CSGALNACT1: variants seen among roughly 807,000 people sequenced by gnomAD.
CSGALNACT1 encodes the protein beta4GalNAcT-1.
In CSGALNACT1, 52 loss-of-function variants were observed where a neutral mutation model predicts 51.0. The ratio of observed to expected loss-of-function variants is 1.02; its 90% confidence interval spans 0.82 to 1.29. The LOEUF (loss-of-function observed/expected upper bound fraction) is 1.29. Among genes scored for constraint, CSGALNACT1 ranks in the 50% most tolerant of loss-of-function variants. The probability of loss-of-function intolerance (pLI) is 0.00; values close to 1 mark genes in which losing one functional copy is unlikely to be tolerated. For missense variants in CSGALNACT1, 935 were observed against 679.2 expected (o/e 1.38, Z -4.19); for synonymous variants, 341 against 254.4 (o/e 1.34, Z -3.24).
At chr8:19,632,748 C>T (rs1012512269) in intron 1 of CSGALNACT1, among the ~76,000 whole-genome samples, 2 of 151,974 alleles carry the variant, frequency 1.3e-5, no homozygotes, top group Non-Finnish European at 2.9e-5. Context: ...AGAGTGAGTA[C>T]ATTCTGCTGA....
chr8:19,445,686 T>A (rs1238826397), intron 5 of CSGALNACT1, among the ~76,000 whole-genome samples: 1 of 152,212 alleles, frequency 6.6e-6, no homozygotes, highest in Non-Finnish European at 1.5e-5. Flanking sequence ...ACTGAAACTA[T>A]CTGTAATATA....
At chr8:19,587,846 C>G (rs888997830) in intron 3 of CSGALNACT1, 1 of 152,100 alleles carries the variant, frequency 6.6e-6, no homozygotes, top group South Asian at 2.1e-4. Context: ...AATAAACTTC[C>G]AGCTATGATG....
At chr8:19,466,042 T>G (rs2066596220) in intron 4 of CSGALNACT1, among the ~76,000 whole-genome samples, 1 of 152,222 alleles carries the variant, frequency 6.6e-6, no homozygotes, top group South Asian at 2.1e-4. Flanking sequence ...CCTTTAACCT[T>G]ACCATAGAAT....
chr8:19,673,638 A>C (rs926308346), intron 1 of CSGALNACT1, among the ~76,000 whole-genome samples: 1 of 152,212 alleles, frequency 6.6e-6, no homozygotes, highest in African/African-American at 2.4e-5. Context: ...CAGTTCCAGT[A>C]GGTAAGAGTT....
chr8:19,502,319 C>T lies in CSGALNACT1; in HGVS notation c.634+2882G>A, dbSNP rs150350924. On this transcript the variant is annotated intron_variant, in intron 4 of 9. Transcript: ENST00000454498. ...CTGGGCTGGGAAGGGCGACAGAGAACATATATGTTCAGTCTCTTGTTGGTG... is the reference window on the plus strand; with the variant it reads ...CTGGGCTGGGAAGGGCGACAGAGAATATATATGTTCAGTCTCTTGTTGGTG... Among the ~76,000 whole-genome samples the T allele has an allele frequency of 1.2e-3, 188 of 152,298 alleles. 1 individual carries two copies. Among genetic ancestry groups the T allele is most frequent in the African/African-American group, 4.4e-3 (182 of 41,562 alleles).
intron 1 of CSGALNACT1, among the ~76,000 whole-genome samples, chr8:19,721,452 C>T (rs1381627247): frequency 6.6e-6 from 1 of 152,206 alleles, no homozygotes; most frequent in African/African-American, 2.4e-5. Flanking sequence ...AGACACGATC[C>T]TAGTCCGCAC....
intron 1 of CSGALNACT1, among the ~76,000 whole-genome samples, chr8:19,752,065 T>C (rs2065063716): frequency 1.2e-5 from 1 of 86,044 alleles, no homozygotes; most frequent in Admixed American, 1.2e-4. Context: ...ACAATATATT[T>C]TTATATGATA....
chr8:19,710,502 G>T (rs2062438907), intron 1 of CSGALNACT1, among the ~76,000 whole-genome samples: 1 of 152,194 alleles, frequency 6.6e-6, no homozygotes, highest in Admixed American at 6.5e-5. Context: ...GAGGAACAAA[G>T]AGTACATTGG....
chr8:19,466,645 A>T (rs563270770), intron 4 of CSGALNACT1, among the ~76,000 whole-genome samples: 1 of 152,344 alleles, frequency 6.6e-6, no homozygotes, highest in South Asian at 2.1e-4. Context: ...TTTATAGGTA[A>T]AGTAGTAAAC....
chr8:19,539,906 G>A (rs560604103), intron 3 of CSGALNACT1, among the ~76,000 whole-genome samples: 1 of 152,280 alleles, frequency 6.6e-6, no homozygotes, highest in African/African-American at 2.4e-5. Flanking sequence ...GAGGTAGCCT[G>A]GAAAGAAAGT....
chr8:19,474,529 G>A (rs1339420201), intron 4 of CSGALNACT1, among the ~76,000 whole-genome samples: 1 of 152,038 alleles, frequency 6.6e-6, no homozygotes, highest in Non-Finnish European at 1.5e-5. Context: ...ATATGCTTCG[G>A]CTGACCCATC....
chr8:19,737,393 C>G (rs1445715368), intron 1 of CSGALNACT1, among the ~76,000 whole-genome samples: 1 of 152,020 alleles, frequency 6.6e-6, no homozygotes, highest in Admixed American at 6.5e-5. Flanking sequence ...TGTCAATTTA[C>G]AAGATAGATA....
At chr8:19,461,241 G>A (rs991045212) in intron 4 of CSGALNACT1, among the ~76,000 whole-genome samples, 1 of 152,202 alleles carries the variant, frequency 6.6e-6, no homozygotes, top group Non-Finnish European at 1.5e-5. Context: ...CTTTGAAAAC[G>A]TTAAGTGTTT....
intron 1 of CSGALNACT1, among the ~76,000 whole-genome samples, chr8:19,667,725 G>A (rs561585322): frequency 1.7e-4 from 26 of 152,202 alleles, no homozygotes; most frequent in African/African-American, 4.6e-4. Flanking sequence ...TTGCTGCTTC[G>A]TGATCAAAAA....
intron 4 of CSGALNACT1, among the ~76,000 whole-genome samples, chr8:19,464,925 G>GTTT (rs1288979820): frequency 6.6e-6 from 1 of 152,166 alleles, no homozygotes; most frequent in African/African-American, 2.4e-5. Flanking sequence ...GCGGAATGCA[G>GTTT]TTTGGTACTT....
chr8:19,667,043 G>GGA (rs2059412878), intron 1 of CSGALNACT1, among the ~76,000 whole-genome samples: 1 of 53,860 alleles, frequency 1.9e-5, no homozygotes, highest in Admixed American at 2.1e-4. Flanking sequence ...AAGGAAGGAA[G>GGA]AAAGAAAGAA....
intron 1 of CSGALNACT1, among the ~76,000 whole-genome samples, chr8:19,696,064 C>T (rs1291002236): frequency 6.6e-6 from 1 of 152,158 alleles, no homozygotes; most frequent in Non-Finnish European, 1.5e-5. Context: ...TGTATGAAGA[C>T]ATAGTCCTAC....
intron 1 of CSGALNACT1, among the ~76,000 whole-genome samples, chr8:19,639,984 G>C (rs1049319126): frequency 6.6e-6 from 1 of 151,242 alleles, no homozygotes; most frequent in African/African-American, 2.4e-5. Context: ...CTGGGCTCAG[G>C]TGATTCTCCC....
intron 3 of CSGALNACT1, among the ~76,000 whole-genome samples, chr8:19,542,166 C>T (rs754021437): frequency 1.3e-5 from 2 of 148,376 alleles, no homozygotes; most frequent in Non-Finnish European, 3.0e-5. Context: ...AATTTCATTC[C>T]AAGTACTAAA....
Sources: allele counts gnomAD v4.1 joint callset (sites outside exome capture counted in the v4.1 genomes callset), GRCh38; gene constraint gnomAD v4.1.1; transcripts MANE v1.5; gene names NCBI Gene and HGNC (gene_info 2026-07-23, HGNC 2026-07-21).